The following ASB15 variants were observed in gnomAD, a reference collection of about 807,000 sequenced individuals.
ASB15 encodes the protein ankyrin repeat and SOCS box containing 15, also known as ankyrin repeat and SOCS box protein 15.
Under a neutral mutation model 58.0 loss-of-function variants are expected in ASB15, and 54 were observed. The observed-to-expected ratio is 0.93, with a 90% CI of 0.75 to 1.17. The LOEUF is 1.17. Ranked by LOEUF, ASB15 falls within the 50% of genes most tolerant of loss-of-function variation. ASB15 has a pLI of 0.00. For synonymous variants in ASB15, 249 were observed against 262.4 expected (o/e 0.95, Z 0.50); for missense variants, 680 against 707.4 (o/e 0.96, Z 0.44).
At chr7:123,607,348 T>G (rs2116451775) in intron 2 of ASB15, among the ~76,000 whole-genome samples, 1 of 152,338 alleles carries the variant, frequency 6.6e-6, no homozygotes, top group South Asian at 2.1e-4. Flanking sequence ...CATTTTTATG[T>G]GTACAATAAT....
chr7:123,617,617 G>C lies in ASB15; in HGVS notation c.331G>C (p.Gly111Arg). The part of the protein sequence containing the change: ...KTLWEFKTCD[G>R]ETPLTLAVKA... ...ACTCTGGGAATTCAAGACCTGTGAT[G>C]GAGAAACACCCTTGACTTTGGCAGT... Residue 111 changes from glycine to arginine, a missense_variant, in exon 7 of 12, where the codon GGA becomes CGA. Gly to Arg is a moderately radical substitution (Grantham distance 125). Transcript: ENST00000451215. 1 of 1,611,426 alleles carries C rather than the reference G, an allele frequency of 6.2e-7. No individual in the cohort carries two copies. Among genetic ancestry groups the C allele is most frequent in the Non-Finnish European group, 8.5e-7 (1 of 1,177,544 alleles).
chr7:123,598,462 C>T, upstream of ASB15, among the ~76,000 whole-genome samples: 1 of 152,030 alleles, frequency 6.6e-6, no homozygotes, highest in East Asian at 1.9e-4. Context: ...ACTTGAAATG[C>T]CTTTCACAAT....
intron 1 of ASB15, among the ~76,000 whole-genome samples, chr7:123,577,082 T>A (rs1295102149): frequency 6.6e-6 from 1 of 152,158 alleles, no homozygotes; most frequent in African/African-American, 2.4e-5. Flanking sequence ...TATAAAAATA[T>A]CTTTTACATA....
chr7:123,625,957 G>A (rs756741625), intron 8 of ASB15, among the ~76,000 whole-genome samples: 6 of 152,038 alleles, frequency 3.9e-5, no homozygotes, highest in East Asian at 1.9e-4. Flanking sequence ...GGAGGTGCAC[G>A]GAAGTAAACG....
chr7:123,586,342 C>T (rs896208214), intron 1 of ASB15, among the ~76,000 whole-genome samples: 8 of 151,712 alleles, frequency 5.3e-5, no homozygotes, highest in Admixed American at 5.3e-4. Flanking sequence ...ATGTTGAGGA[C>T]CTTTTCACTC....
At chr7:123,588,037 T>C (rs1406029937) in intron 1 of ASB15, among the ~76,000 whole-genome samples, 2 of 151,884 alleles carry the variant, frequency 1.3e-5, no homozygotes, top group African/African-American at 2.4e-5. Flanking sequence ...ATCAGGATAA[T>C]GCTGGCCTTA....
chr7:123,610,117 G>A (rs904388325), intron 3 of ASB15, among the ~76,000 whole-genome samples: 3 of 152,144 alleles, frequency 2.0e-5, no homozygotes, highest in East Asian at 3.8e-4. Flanking sequence ...ATCAAATGCT[G>A]GCTGTTAAAA....
At chr7:123,612,422 C>T (rs957757945) in intron 3 of ASB15, 3 of 152,060 alleles carry the variant, frequency 2.0e-5, no homozygotes, top group African/African-American at 7.2e-5. Flanking sequence ...ACTTGTAAAG[C>T]AAATACAGAA....
At chr7:123,588,680 T>A (rs1799444475) in intron 1 of ASB15, among the ~76,000 whole-genome samples, 1 of 149,292 alleles carries the variant, frequency 6.7e-6, no homozygotes, top group Non-Finnish European at 1.5e-5. Flanking sequence ...TTATTTGGGA[T>A]TTTTTTTTTC....
In ASB15 at chr7:123,637,113, G is replaced by A; in HGVS notation, c.*132G>A. The stretch of plus-strand genomic sequence containing the variant: ...TTGACAGTTTTATAGGTTATCATGT[G>A]TTCTTATGGGAACACCATGATTTAT... On this transcript the variant is annotated 3_prime_UTR_variant, in exon 12 of 12. Transcript: ENST00000451215. The A allele has an allele frequency of 1.7e-6, 1 of 595,180 alleles. No homozygotes were observed. Among genetic ancestry groups the A allele is most frequent in the Non-Finnish European group, 2.8e-6 (1 of 354,720 alleles). The allele number at this position is 595,180 out of a possible 1,614,324, so 36.9% of individuals were successfully genotyped here.
intron 1 of ASB15, among the ~76,000 whole-genome samples, chr7:123,589,788 A>G (rs1014686177): frequency 6.6e-6 from 1 of 152,176 alleles, no homozygotes; most frequent in Non-Finnish European, 1.5e-5. Flanking sequence ...ATATGTGTGC[A>G]TGTGTCTTTA....
intron 10 of ASB15, 68 bp from the exon 11 acceptor site, chr7:123,629,898 A>G: frequency 3.6e-6 from 4 of 1,104,190 alleles, no homozygotes; most frequent in Non-Finnish European, 5.0e-6. Flanking sequence ...TTTTTCCATA[A>G]CACAATTGAG....
In ASB15 at chr7:123,616,406, C is replaced by T; in HGVS notation, c.203C>T (p.Ala68Val). ...ELQEYVKYKY[A>V]MDEADEKGWF... ...CAGGAGTATGTAAAATATAAATATG[C>T]AATGGATGAAGCTGATGAAAAAGGA... Residue 68 changes from alanine (A) to valine (V), a missense_variant, in exon 6 of 12, where the codon GCA becomes GTA. Coordinates refer to ENST00000451215, the MANE Select transcript of ASB15 (RefSeq NM_001290258.2). The T allele has an allele frequency of 1.2e-6, 2 of 1,606,666 alleles. No homozygotes were observed. Among genetic ancestry groups the T allele is most frequent in the South Asian group, 1.1e-5 (1 of 90,794 alleles).
At chr7:123,568,429 A>C (rs1021058518) in intron 1 of ASB15, among the ~76,000 whole-genome samples, 3 of 151,878 alleles carry the variant, frequency 2.0e-5, no homozygotes, top group Admixed American at 2.0e-4. Flanking sequence ...CTGAGACAGG[A>C]GAATTGCTTG....
chr7:123,617,071 G>A (rs889309478), intron 6 of ASB15, among the ~76,000 whole-genome samples: 9 of 152,082 alleles, frequency 5.9e-5, no homozygotes. Context: ...CTATCGTTCA[G>A]CTTCCACTGT....
intron 3 of ASB15, 61 bp from the exon 4 acceptor site, chr7:123,614,440 A>T: frequency 1.0e-6 from 1 of 990,784 alleles, no homozygotes; most frequent in Non-Finnish European, 1.6e-6. Flanking sequence ...TGTTTACTCT[A>T]TGTACTGTTT....
In ASB15 at chr7:123,623,403, C is replaced by T. The variant is rs1801464391; in HGVS notation, c.452-1166C>T. ...TCTTAATAATCCAAAAGGGGAAAAC[C>T]TTGTAACAGTATAATTTCAGCCATT... On this transcript the variant is annotated intron_variant, in intron 7 of 11. Transcript: ENST00000451215. Among the ~76,000 whole-genome samples, 4 of 152,030 alleles carry T rather than the reference C, an allele frequency of 2.6e-5. No individual in the cohort carries two copies. The South Asian group carries it at 8.3e-4, about 32-fold the overall frequency.
At chr7:123,618,178 C>G (rs1482183922) in intron 7 of ASB15, among the ~76,000 whole-genome samples, 2 of 152,172 alleles carry the variant, frequency 1.3e-5, no homozygotes. Flanking sequence ...TCTGAGCACA[C>G]AGATGCAGAG....
intron 2 of ASB15, among the ~76,000 whole-genome samples, chr7:123,605,304 C>T (rs1800090956): frequency 6.6e-6 from 1 of 152,172 alleles, no homozygotes; most frequent in Non-Finnish European, 1.5e-5. Context: ...CCATCTCACA[C>T]ACCAGTCAGA....
Sources: allele counts gnomAD v4.1 joint callset (sites outside exome capture counted in the v4.1 genomes callset), GRCh38; gene constraint gnomAD v4.1.1; transcripts MANE v1.5; gene names NCBI Gene and HGNC (gene_info 2026-07-23, HGNC 2026-07-21).